The following VTI1A variants were observed in gnomAD, a reference collection of about 807,000 sequenced individuals.
VTI1A encodes the protein vesicle transport through interaction with t-SNAREs 1A.
In VTI1A, 22 loss-of-function variants were observed where a neutral mutation model predicts 34.9. The observed-to-expected ratio is 0.63, with a 90% CI of 0.45 to 0.90. The LOEUF (loss-of-function observed/expected upper bound fraction) is 0.90, where lower values mean the gene tolerates loss of function less well. Ranked by LOEUF, VTI1A falls within the 40% of genes least tolerant of loss-of-function variation. The pLI is 0.00. For synonymous variants in VTI1A, 87 were observed against 97.3 expected (o/e 0.89, Z 0.62); for missense variants, 268 against 275.6 (o/e 0.97, Z 0.20).
intron 5 of VTI1A, among the ~76,000 whole-genome samples, chr10:112,575,586 G>C (rs773612767): frequency 7.2e-5 from 11 of 152,132 alleles, no homozygotes; most frequent in Non-Finnish European, 1.5e-4. Flanking sequence ...AAACATGCTG[G>C]CTCTGTTTAC....
chr10:112,569,664 G>C (rs1852045220), intron 5 of VTI1A, among the ~76,000 whole-genome samples: 1 of 152,182 alleles, frequency 6.6e-6, no homozygotes, highest in African/African-American at 2.4e-5. Context: ...TTGGAAGGTG[G>C]TGATATGGTG....
intron 5 of VTI1A, among the ~76,000 whole-genome samples, chr10:112,631,223 G>T (rs959520869): frequency 6.6e-6 from 1 of 151,992 alleles, no homozygotes; most frequent in African/African-American, 2.4e-5. Context: ...ATAGAGTAAA[G>T]AATATTAATT....
Position 112,818,291 on chromosome 10 carries a change from G to A in VTI1A, c.*2908G>A. ...ATCATTAAGTAAAGAAATAAAGAGG[G>A]GGAAAAAAGCCTGCCTGTTCCAAAA... On this transcript the variant is annotated 3_prime_UTR_variant, in exon 8 of 8. Transcript: ENST00000393077. The A allele has an allele frequency of 4.3e-6, 1 of 232,982 alleles. No homozygotes were observed. The highest frequency in any genetic ancestry group is 8.5e-6 in the Non-Finnish European group (1 of 117,674). The allele number at this position is 232,982 out of a possible 1,614,324, so 14.4% of individuals were successfully genotyped here.
chr10:112,636,700 G>C (rs910814834), intron 5 of VTI1A, among the ~76,000 whole-genome samples: 3 of 144,912 alleles, frequency 2.1e-5, no homozygotes, highest in Admixed American at 1.4e-4. Context: ...CTGCACTCCA[G>C]CCTGGGTGCC....
intron 7 of VTI1A, among the ~76,000 whole-genome samples, chr10:112,744,712 T>A (rs2133981905): frequency 6.6e-6 from 1 of 152,332 alleles, no homozygotes; most frequent in South Asian, 2.1e-4. Context: ...CCCAAAGTGC[T>A]GGGATTACAG....
chr10:112,497,853 A>C (rs1398998786), intron 3 of VTI1A, among the ~76,000 whole-genome samples: 2 of 152,196 alleles, frequency 1.3e-5, no homozygotes, highest in East Asian at 3.8e-4. Context: ...GTTAAAGTTT[A>C]TCTCTCATGT....
intron 7 of VTI1A, among the ~76,000 whole-genome samples, chr10:112,688,528 T>TC (rs1257458050): frequency 6.7e-6 from 1 of 149,822 alleles, no homozygotes; most frequent in Admixed American, 6.6e-5. Context: ...TTTCTTTTTT[T>TC]TTTTTTTTTT....
intron 3 of VTI1A, among the ~76,000 whole-genome samples, chr10:112,502,467 G>A (rs1379775886): frequency 6.6e-6 from 1 of 152,120 alleles, no homozygotes; most frequent in East Asian, 1.9e-4. Flanking sequence ...AAAAAAGAAA[G>A]ACATTAAATC....
intron 7 of VTI1A, among the ~76,000 whole-genome samples, chr10:112,790,328 C>T (rs1852418485): frequency 6.6e-6 from 1 of 152,186 alleles, no homozygotes; most frequent in Non-Finnish European, 1.5e-5. Flanking sequence ...TTGGCTTTGG[C>T]TTCTCACTGG....
chr10:112,542,832 C>A (rs1369619107), intron 5 of VTI1A, among the ~76,000 whole-genome samples: 1 of 152,130 alleles, frequency 6.6e-6, no homozygotes, highest in African/African-American at 2.4e-5. Flanking sequence ...CCCCACTCTC[C>A]CCACCCCACA....
intron 3 of VTI1A, among the ~76,000 whole-genome samples, chr10:112,516,967 T>C (rs1849803623): frequency 6.6e-6 from 1 of 152,020 alleles, no homozygotes; most frequent in Admixed American, 6.6e-5. Context: ...CAATAGGAAT[T>C]GGATTTGTAG....
intron 5 of VTI1A, among the ~76,000 whole-genome samples, chr10:112,599,072 T>C (rs1844782537): frequency 6.6e-6 from 1 of 152,206 alleles, no homozygotes; most frequent in Non-Finnish European, 1.5e-5. Flanking sequence ...TTTGAGGGTC[T>C]GGACCCAGAA....
chr10:112,674,341 C>A (rs553894809), intron 7 of VTI1A, among the ~76,000 whole-genome samples: 117 of 152,284 alleles, frequency 7.7e-4, no homozygotes, highest in Admixed American at 1.4e-3. Context: ...GATTTAGGAT[C>A]TGAGCTAGAA....
chr10:112,608,694 A>G (rs1845181266), intron 5 of VTI1A, among the ~76,000 whole-genome samples: 1 of 152,176 alleles, frequency 6.6e-6, no homozygotes, highest in African/African-American at 2.4e-5. Context: ...AGAGATTTTA[A>G]TATTTGAAAA....
intron 7 of VTI1A, among the ~76,000 whole-genome samples, chr10:112,679,726 A>G (rs1848152134): frequency 1.3e-5 from 2 of 151,990 alleles, no homozygotes; most frequent in Admixed American, 6.6e-5. Context: ...TCCACTGCCC[A>G]CCTATCTTCC....
intron 4 of VTI1A, 95 bp from the exon 5 acceptor site, chr10:112,538,151 A>C: frequency 2.0e-6 from 2 of 1,006,048 alleles, no homozygotes; most frequent in Admixed American, 2.3e-5. Context: ...CCCCCACCCC[A>C]TGTTAGGGCA....
intron 3 of VTI1A, among the ~76,000 whole-genome samples, chr10:112,508,835 G>T (rs1314783978): frequency 6.6e-6 from 1 of 152,182 alleles, no homozygotes; most frequent in African/African-American, 2.4e-5. Context: ...GAGCCAAAGG[G>T]TGAATGGGAA....
intron 7 of VTI1A, among the ~76,000 whole-genome samples, chr10:112,719,784 G>C (rs12774860): frequency 0.16 from 24,202 of 152,118 alleles, 2,158 homozygotes; most frequent in Middle Eastern, 0.23. Context: ...AACCTCAGGT[G>C]ATCTGCCCGT....
intron 3 of VTI1A, among the ~76,000 whole-genome samples, chr10:112,491,915 T>C (rs1169800329): frequency 6.6e-6 from 1 of 152,180 alleles, no homozygotes; most frequent in Non-Finnish European, 1.5e-5. Context: ...CCAGTGGTTC[T>C]CAATTTTGGC....
Sources: gnomAD v4.1 joint callset for allele counts (sites outside exome capture counted in the v4.1 genomes callset) on GRCh38, gnomAD v4.1.1 for gene constraint, MANE v1.5 for transcripts, NCBI Gene and HGNC (gene_info 2026-07-23, HGNC 2026-07-21) for gene names.